The following THOC2 variants were observed in gnomAD, a reference collection of about 807,000 sequenced individuals.
THOC2 encodes the protein THO complex 2.
THOC2 carries 10 observed loss-of-function variants against 128.4 expected under a neutral mutation model. That is an observed-to-expected ratio of 0.08 (90% CI 0.05 to 0.13). THOC2 has a LOEUF of 0.13. Ranked by LOEUF, THOC2 falls within the 10% of genes least tolerant of loss-of-function variation. The pLI is 1.00. For synonymous variants in THOC2, 393 were observed against 396.9 expected, an observed-to-expected ratio of 0.99 and a Z score of 0.12; for missense variants, 535 against 1,155.7, an observed-to-expected ratio of 0.46 and a Z score of 7.79.
intron 16 of THOC2, among the ~76,000 whole-genome samples, chrX:123,639,632 G>T (rs780480610): frequency 1.9e-4 from 21 of 111,129 alleles, no homozygotes; most frequent in South Asian, 3.8e-4. Flanking sequence ...CGGACATAAA[G>T]ATAGAAAGAC....
At chrX:123,680,472 C>T (rs996957680) in intron 8 of THOC2, among the ~76,000 whole-genome samples, 3 of 110,252 alleles carry the variant, frequency 2.7e-5, no homozygotes, top group African/African-American at 9.9e-5. Context: ...ACTAAGGGAA[C>T]TCAGAGGCCG....
chrX:123,641,491 C>A (rs1248501721), intron 15 of THOC2, among the ~76,000 whole-genome samples: 2 of 112,165 alleles, frequency 1.8e-5, no homozygotes, highest in African/African-American at 3.2e-5. Context: ...GCTTCCCTTT[C>A]CAATTCTCCA....
chrX:123,667,119 G>A lies in THOC2; in HGVS notation c.1177C>T (p.Pro393Ser), dbSNP rs1484360898. The change falls in exon 11 of 39, where the codon CCT (proline) becomes TCT (serine). Residue 393 changes from proline to serine, a missense_variant. Transcript: ENST00000245838. Reference sequence around the variant, plus strand: ...AAAGTTACATACCTTCGGTAGAGAGGCTCAATAGTTATATGAATGAGCTTG... The same window carrying A: ...AAAGTTACATACCTTCGGTAGAGAGACTCAATAGTTATATGAATGAGCTTG... Reference protein sequence around the residue: ...ICKLIHITIEPLYRRVGVPKG... With the variant: ...ICKLIHITIESLYRRVGVPKG... 5.0e-6 allele frequency: 6 copies of A among 1,190,697 alleles called. No homozygotes were observed. The highest frequency in any genetic ancestry group is 6.8e-6 in the Non-Finnish European group (6 of 885,941).
intron 9 of THOC2, 82 bp from the exon 10 acceptor site, chrX:123,668,396 G>A (rs2049130118): frequency 1.7e-6 from 1 of 592,854 alleles, no homozygotes; most frequent in Non-Finnish European, 2.5e-6. Flanking sequence ...ATTCTCAATT[G>A]ATAAAACTAT....
intron 1 of THOC2, among the ~76,000 whole-genome samples, chrX:123,723,667 A>G (rs1603344414): frequency 8.9e-6 from 1 of 112,164 alleles, no homozygotes; most frequent in South Asian, 3.7e-4. Flanking sequence ...CTTAAAAGTC[A>G]TAACTGTTGA....
rs146334361 is a variant in THOC2 at position 123,725,893 on chromosome X, T to C, written c.71+7059A>G. On this transcript the variant is annotated intron_variant, in intron 1 of 38. Transcript: ENST00000245838. ...CCTCTTTGGGTTCTCATTTCCCTTA[T>C]AGGGTCAATTCTCTTTAGAATATAA... Among the ~76,000 whole-genome samples, 481 of 111,554 alleles carry C rather than the reference T, an allele frequency of 4.3e-3. 2 individuals are homozygous for C. The highest frequency in any genetic ancestry group is 6.8e-3 in the Non-Finnish European group (363 of 53,155).
chrX:123,609,067 A>T (rs974480783), intron 38 of THOC2, among the ~76,000 whole-genome samples: 1 of 112,331 alleles, frequency 8.9e-6, no homozygotes, highest in African/African-American at 3.2e-5. Context: ...GTAAACAGAG[A>T]TATATAAAAT....
At chrX:123,712,036 T>C (rs868268166) in intron 2 of THOC2, among the ~76,000 whole-genome samples, 54 of 107,201 alleles carry the variant, frequency 5.0e-4, no homozygotes, top group Middle Eastern at 4.8e-3. Flanking sequence ...AATAAATATA[T>C]ATATATGTAA....
At chrX:123,725,981 G>A (rs1015459055) in intron 1 of THOC2, among the ~76,000 whole-genome samples, 1 of 111,474 alleles carries the variant, frequency 9.0e-6, no homozygotes, top group Non-Finnish European at 1.9e-5. Context: ...GGCCGAGGAG[G>A]GCAGATTACT....
chrX:123,665,625 A>G lies in THOC2; in HGVS notation c.1386+17T>C, dbSNP rs1334231674. On this transcript the variant is annotated intron_variant, in intron 12 of 38. Transcript: ENST00000245838. ...TTTCATTTCAAAATTTAGGTTTGTA[A>G]GAAAAATCTTACTTACCTCCTTCAT... 1.8e-6 allele frequency: 2 copies of G among 1,096,302 alleles called. No homozygotes were observed. Among genetic ancestry groups the G allele is most frequent in the Non-Finnish European group, 2.4e-6 (2 of 825,512 alleles). The allele number at this position is 1,096,302 out of a possible 1,213,427, so 90.3% of individuals were successfully genotyped here. A position where few individuals can be genotyped will look rare whatever the true frequency, so the allele number is the denominator to read the frequency against.
At chrX:123,714,607 A>C (rs1260710689) in intron 1 of THOC2, among the ~76,000 whole-genome samples, 7 of 111,874 alleles carry the variant, frequency 6.3e-5, no homozygotes, top group Non-Finnish European at 1.3e-4. Context: ...GACTTGAATA[A>C]TACTACAGAC....
At chrX:123,605,950 T>C (rs1187594484) in intron 38 of THOC2, among the ~76,000 whole-genome samples, 3 of 111,172 alleles carry the variant, frequency 2.7e-5, no homozygotes, top group Admixed American at 9.6e-5. Context: ...AAAAGGCCCT[T>C]GCTCTATTCT....
intron 36 of THOC2, 123 bp downstream of exon 36, chrX:123,613,276 C>T (rs2046770872): frequency 2.9e-6 from 2 of 697,246 alleles, no homozygotes; most frequent in East Asian, 3.4e-5. Context: ...AATACCTCTT[C>T]TTCCCACTCC....
chrX:123,614,324 T>TA, intron 33 of THOC2, 135 bp from the exon 34 acceptor site: 1 of 477,160 alleles, frequency 2.1e-6, no homozygotes, highest in Non-Finnish European at 3.2e-6. Context: ...TTACAAGAGG[T>TA]AAAATAAAAG....
intron 12 of THOC2, among the ~76,000 whole-genome samples, chrX:123,651,765 T>C (rs900343932): frequency 1.0e-5 from 1 of 99,795 alleles, no homozygotes; most frequent in African/African-American, 3.7e-5. Context: ...GTGGAATCCC[T>C]GAATAGACCA....
chrX:123,625,909 T>C lies in THOC2; in HGVS notation c.3057+3A>G. On this transcript the variant is annotated splice_donor_region_variant and intron_variant, in intron 25 of 38. Transcript: ENST00000245838. ...CTTTTTAAAGGTTGCAATAAAAACT[T>C]ACTCGATCATAGCAAAGAAGTGTGG... 1 of 1,204,968 alleles carries C rather than the reference T, an allele frequency of 8.3e-7. No homozygotes were observed. The highest frequency in any genetic ancestry group is 1.1e-6 in the Non-Finnish European group (1 of 893,097).
At chrX:123,719,399 G>A (rs1401004032) in intron 1 of THOC2, among the ~76,000 whole-genome samples, 1 of 110,347 alleles carries the variant, frequency 9.1e-6, no homozygotes, top group African/African-American at 3.3e-5. Context: ...CGAAGATGTG[G>A]ATAAAAGGGA....
At chrX:123,652,590 G>A (rs2048405014) in intron 12 of THOC2, among the ~76,000 whole-genome samples, 1 of 111,867 alleles carries the variant, frequency 8.9e-6, no homozygotes, top group Non-Finnish European at 1.9e-5. Context: ...AAAGTCTCAG[G>A]ATACAAAATC....
chrX:123,652,274 A>G (rs2048391522), intron 12 of THOC2, among the ~76,000 whole-genome samples: 1 of 111,852 alleles, frequency 8.9e-6, no homozygotes, highest in Non-Finnish European at 1.9e-5. Context: ...TATCGATGGA[A>G]CATATCTCAA....
Sources: gnomAD v4.1 joint callset for allele counts (sites outside exome capture counted in the v4.1 genomes callset) on GRCh38, gnomAD v4.1.1 for gene constraint, MANE v1.5 for transcripts, NCBI Gene and HGNC (gene_info 2026-07-23, HGNC 2026-07-21) for gene names.